MYO5B: variants seen among roughly 807,000 people sequenced by gnomAD.
MYO5B encodes myosin VB, also known as unconventional myosin-Vb.
Under a neutral mutation model 229.3 loss-of-function variants are expected in MYO5B, and 143 were observed. The observed-to-expected ratio is 0.62, with a 90% CI of 0.54 to 0.72. MYO5B has a LOEUF of 0.72. Ranked by LOEUF, MYO5B falls within the 30% of genes least tolerant of loss-of-function variation. The pLI, the probability that MYO5B is intolerant of heterozygous loss-of-function variation, is 0.00. For missense variants in MYO5B, 2,321 were observed against 2,331.0 expected, an observed-to-expected ratio of 1.00 and a Z score of 0.09; for synonymous variants, 918 against 885.2, an observed-to-expected ratio of 1.04 and a Z score of -0.66.
intron 21 of MYO5B, among the ~76,000 whole-genome samples, chr18:49,898,341 G>A (rs1172782399): frequency 1.3e-5 from 2 of 152,176 alleles, no homozygotes; most frequent in African/African-American, 4.8e-5. Context: ...ATATATTTGT[G>A]TCATATTTCT....
chr18:50,069,771 C>T (rs1477955328), intron 1 of MYO5B, among the ~76,000 whole-genome samples: 1 of 152,080 alleles, frequency 6.6e-6, no homozygotes, highest in Non-Finnish European at 1.5e-5. Context: ...AAAAACTGAA[C>T]CCAGAAATAG....
chr18:49,986,273 C>A (rs889080339), intron 7 of MYO5B, among the ~76,000 whole-genome samples: 1 of 152,210 alleles, frequency 6.6e-6, no homozygotes, highest in African/African-American at 2.4e-5. Flanking sequence ...TCACCTCCCC[C>A]CATTTCCCAC....
chr18:50,104,395 T>C (rs1236592990), intron 1 of MYO5B, among the ~76,000 whole-genome samples: 3 of 151,926 alleles, frequency 2.0e-5, no homozygotes, highest in South Asian at 4.1e-4. Flanking sequence ...ACTTAGTTTA[T>C]GTCTCTACTG....
chr18:49,963,014 C>T lies in MYO5B; in HGVS notation c.1339G>A (p.Val447Ile), dbSNP rs751194063. 2.5e-6 allele frequency: 4 copies of T among 1,613,870 alleles called. No homozygotes were observed. Among genetic ancestry groups the T allele is most frequent in the Non-Finnish European group, 3.4e-6 (4 of 1,179,804 alleles). ...LDIYGFETFE[V>I]NSFEQFCINY... ...ATACAGAACTGCTCAAAGCTGTTTACCTCAAATGTCTCAAACCTACAGAAT... is the reference window on the plus strand; with the variant it reads ...ATACAGAACTGCTCAAAGCTGTTTATCTCAAATGTCTCAAACCTACAGAAT... Residue 447 changes from valine to isoleucine, a missense_variant, in exon 11 of 40, where the codon GTA (valine) becomes ATA (isoleucine). Physicochemically the swap from Val to Ile is conservative, Grantham distance 29. This residue lies in a region of MYO5B where 2,113 missense variants were observed against 2,044.7 expected (regional missense o/e 1.03). Transcript: ENST00000285039.
intron 9 of MYO5B, among the ~76,000 whole-genome samples, 167 bp from the exon 10 acceptor site, chr18:49,974,782 C>CACACACACACACAG (rs2025729010): frequency 8.4e-6 from 1 of 119,580 alleles, no homozygotes; most frequent in Non-Finnish European, 1.8e-5. Context: ...GTCTCTCTCA[C>CACACACACACACAG]ACACACACAC....
chr18:50,189,911 C>G lies in MYO5B; in HGVS notation c.27+4856G>C, dbSNP rs901695881. 2.0e-5 allele frequency among the ~76,000 whole-genome samples: 3 copies of G among 152,136 alleles called. No homozygotes were observed. In the East Asian group the frequency reaches 5.8e-4, roughly 29 times the overall value. On this transcript the variant is annotated intron_variant, in intron 1 of 39. Transcript: ENST00000285039. ...CAAATGATTGGTCCCAAATCGCGCCCTTAGTAAAGGCTCCTGGGTGCAAAG... is the reference window on the plus strand; with the variant it reads ...CAAATGATTGGTCCCAAATCGCGCCGTTAGTAAAGGCTCCTGGGTGCAAAG...
intron 4 of MYO5B, among the ~76,000 whole-genome samples, chr18:50,015,139 G>T (rs2026202978): frequency 6.6e-6 from 1 of 152,214 alleles, no homozygotes; most frequent in African/African-American, 2.4e-5. Flanking sequence ...ACGGGACAGG[G>T]ATCAGGGGGC....
At chr18:50,179,045 A>C (rs889956973) in intron 1 of MYO5B, among the ~76,000 whole-genome samples, 1 of 152,214 alleles carries the variant, frequency 6.6e-6, no homozygotes, top group Admixed American at 6.5e-5. Context: ...CAAGGAAAAA[A>C]TGTTTATTAT....
At chr18:50,030,906 A>G (rs1331144861) in intron 4 of MYO5B, among the ~76,000 whole-genome samples, 1 of 99,952 alleles carries the variant, frequency 1.0e-5, no homozygotes, top group East Asian at 2.9e-4. Context: ...AAAAAAAAAA[A>G]AAAAAAAAAA....
chr18:49,834,040 C>A (rs897546792), intron 39 of MYO5B, among the ~76,000 whole-genome samples: 1 of 152,168 alleles, frequency 6.6e-6, no homozygotes, highest in Non-Finnish European at 1.5e-5. Context: ...CTGTTCCCTA[C>A]TTAGATGCTG....
intron 1 of MYO5B, among the ~76,000 whole-genome samples, chr18:50,128,471 A>G (rs1460685815): frequency 3.3e-5 from 5 of 152,310 alleles, no homozygotes; most frequent in Admixed American, 6.5e-5. Context: ...TCCCACATGG[A>G]TAAGCGTAGA....
chr18:49,894,195 C>T (rs1302600948), intron 22 of MYO5B, among the ~76,000 whole-genome samples: 1 of 152,048 alleles, frequency 6.6e-6, no homozygotes, highest in African/African-American at 2.4e-5. Context: ...TCTTAGATCC[C>T]CATCCACTGC....
intron 1 of MYO5B, among the ~76,000 whole-genome samples, chr18:50,174,136 G>C (rs542605149): frequency 3.3e-4 from 50 of 152,276 alleles, no homozygotes; most frequent in Non-Finnish European, 5.9e-4. Flanking sequence ...GGAGCCCTCA[G>C]ACTCTGGTAC....
At chr18:49,934,812 A>C (rs981008590) in intron 16 of MYO5B, among the ~76,000 whole-genome samples, 3 of 152,240 alleles carry the variant, frequency 2.0e-5, no homozygotes, top group African/African-American at 7.2e-5. Flanking sequence ...GCCCATCTGA[A>C]TGGAAGCCAA....
At chr18:49,900,806 C>G (rs893085402) in intron 21 of MYO5B, among the ~76,000 whole-genome samples, 10 of 152,168 alleles carry the variant, frequency 6.6e-5, no homozygotes, top group African/African-American at 2.2e-4. Flanking sequence ...CCTGCATGGA[C>G]AAAGTAACAG....
At chr18:50,174,364 C>A (rs1167734631) in intron 1 of MYO5B, among the ~76,000 whole-genome samples, 1 of 152,160 alleles carries the variant, frequency 6.6e-6, no homozygotes. Flanking sequence ...CCCCCATCAG[C>A]CCCTAGCTCC....
At chr18:50,004,153 A>C (rs1170006824) in intron 4 of MYO5B, among the ~76,000 whole-genome samples, 1 of 152,162 alleles carries the variant, frequency 6.6e-6, no homozygotes, top group African/African-American at 2.4e-5. Context: ...AGATGTGGAG[A>C]AAAAGTGGGC....
chr18:49,921,575 A>T (rs2025076204), intron 17 of MYO5B, among the ~76,000 whole-genome samples: 2 of 152,208 alleles, frequency 1.3e-5, no homozygotes, highest in South Asian at 4.1e-4. Flanking sequence ...GAGAGCCATA[A>T]TTCTCAGGGA....
Position 49,837,640 on chromosome 18 carries a change from C to G in MYO5B, c.5015G>C (p.Gly1672Ala), listed in dbSNP as rs780910211. The change falls in exon 37 of 40, where the codon GGC (glycine) becomes GCC (alanine). Residue 1672 changes from glycine (G) to alanine (A), a missense_variant. By Grantham distance (60) the Gly-to-Ala change is moderately conservative (BLOSUM62 0). This residue lies in a region of MYO5B where 208 missense variants were observed against 286.3 expected (regional missense o/e 0.73). Transcript: ENST00000285039. ...NAFHTVMCDQGLDPEIILQVF... is the reference protein window; with the variant it reads ...NAFHTVMCDQALDPEIILQVF... ...CTGCAGGATGATCTCAGGGTCCAAG[C>G]CCTGGTCACACATGACTGTATGAAA... 17 of 1,613,856 alleles carry G rather than the reference C, an allele frequency of 1.1e-5. No homozygotes were observed. In the Admixed American group the frequency reaches 2.7e-4, roughly 25 times the overall value.
Sources: gnomAD v4.1 joint callset for allele counts (sites outside exome capture counted in the v4.1 genomes callset) on GRCh38, gnomAD v4.1.1 for gene constraint, gnomAD v4.1.1 regional missense constraint, MANE v1.5 for transcripts, NCBI Gene and HGNC (gene_info 2026-07-23, HGNC 2026-07-21) for gene names.